The following RAD54B variants were observed in gnomAD, a reference collection of about 807,000 sequenced individuals.
RAD54B encodes RAD54 homolog B.
Under a neutral mutation model 95.8 loss-of-function variants are expected in RAD54B, and 78 were observed. That is an observed-to-expected ratio of 0.81 (90% CI 0.68 to 0.98). RAD54B has a LOEUF of 0.98. Among genes scored for constraint, RAD54B ranks in the 50% least tolerant of loss-of-function variants. The probability of loss-of-function intolerance (pLI) is 0.00; values close to 1 mark genes in which losing one functional copy is unlikely to be tolerated. For missense variants in RAD54B, 957 were observed against 1,056.6 expected (o/e 0.91, Z 1.31); for synonymous variants, 328 against 354.9 (o/e 0.92, Z 0.85).
At chr8:94,451,542 G>A (rs960354138) in intron 3 of RAD54B, among the ~76,000 whole-genome samples, 2 of 152,072 alleles carry the variant, frequency 1.3e-5, no homozygotes, top group African/African-American at 4.8e-5. Flanking sequence ...ATAATTTTAT[G>A]GTGAAGAAAC....
chr8:94,398,482 C>T (rs923279163), intron 8 of RAD54B, among the ~76,000 whole-genome samples: 18 of 152,168 alleles, frequency 1.2e-4, no homozygotes, highest in East Asian at 3.9e-4. Flanking sequence ...TTTGGTCATA[C>T]TCCTTCTCTC....
intron 3 of RAD54B, among the ~76,000 whole-genome samples, chr8:94,421,721 A>C (rs1322684104): frequency 6.6e-6 from 1 of 152,178 alleles, no homozygotes; most frequent in African/African-American, 2.4e-5. Flanking sequence ...CACAAAATCC[A>C]GACAATTCTG....
At chr8:94,426,607 C>T (rs573752626) in intron 3 of RAD54B, among the ~76,000 whole-genome samples, 78 of 152,190 alleles carry the variant, frequency 5.1e-4, no homozygotes, top group African/African-American at 1.8e-3. Context: ...ACAAAGTATG[C>T]ATATTGTATG....
At chr8:94,474,035 T>C (rs1813232939) in intron 1 of RAD54B, among the ~76,000 whole-genome samples, 1 of 152,190 alleles carries the variant, frequency 6.6e-6, no homozygotes, top group Admixed American at 6.5e-5. Context: ...AGCGCAGCCA[T>C]AAAAAGGAAT....
In RAD54B at chr8:94,456,974, C is replaced by T. The variant is rs577994816; in HGVS notation, c.304+1294G>A. Among the ~76,000 whole-genome samples the T allele has an allele frequency of 8.9e-4, 135 of 152,234 alleles. 1 individual carries two copies. Among genetic ancestry groups the T allele is most frequent in the African/African-American group, 2.8e-3 (116 of 41,550 alleles). ...GATTAGGAGTTGAGTAAGTTAACTC[C>T]CTCTTTATTTTATCTTAACTCTTAA... On this transcript the variant is annotated intron_variant, in intron 3 of 14. Coordinates refer to ENST00000336148, the MANE Select transcript of RAD54B (RefSeq NM_012415.3).
Position 94,470,544 on chromosome 8 carries a change from G to A in RAD54B, c.-16-2989C>T, listed in dbSNP as rs572553965. Among the ~76,000 whole-genome samples the A allele has an allele frequency of 5.9e-3, 901 of 151,770 alleles. 6 individuals are homozygous for A. The highest frequency in any genetic ancestry group is 0.02 in the African/African-American group (841 of 41,370). ...CGGGAGGCAGAGGTTGTGGTGAGCC[G>A]AGATAGCGCCACTGCACTCCAGCCT... is the stretch of plus-strand genomic sequence containing the variant. On this transcript the variant is annotated intron_variant, in intron 1 of 14. Transcript: ENST00000336148.
At chr8:94,372,500 A>G (rs573320654) in intron 14 of RAD54B, 113 bp from the exon 15 acceptor site, 1 of 1,480,646 alleles carries the variant, frequency 6.8e-7, no homozygotes, top group African/African-American at 1.4e-5. Flanking sequence ...TTTGATCACC[A>G]TGGTTCAAGT....
chr8:94,463,893 C>CAAAAAAAA (rs553168595), intron 2 of RAD54B, among the ~76,000 whole-genome samples: 23 of 90,774 alleles, frequency 2.5e-4, no homozygotes, highest in African/African-American at 2.9e-4. Context: ...GACCCTATCT[C>CAAAAAAAA]AAAAAAAAAA....
At chr8:94,421,326 G>A (rs1811802716) in intron 3 of RAD54B, among the ~76,000 whole-genome samples, 1 of 151,950 alleles carries the variant, frequency 6.6e-6, no homozygotes, top group African/African-American at 2.4e-5. Context: ...TTACCTCTTT[G>A]CTTGCTTCTT....
intron 6 of RAD54B, among the ~76,000 whole-genome samples, chr8:94,402,265 T>C (rs1305702048): frequency 2.0e-5 from 3 of 151,756 alleles, no homozygotes; most frequent in African/African-American, 4.8e-5. Context: ...TTTTTTTTTT[T>C]CCTCTCCAGA....
intron 3 of RAD54B, chr8:94,432,654 G>A: frequency 6.6e-7 from 1 of 1,504,256 alleles, no homozygotes; most frequent in Non-Finnish European, 8.9e-7. Flanking sequence ...ATCCAAGTTT[G>A]CACTATAGCA....
At chr8:94,387,968 A>G (rs1189914200) in intron 10 of RAD54B, among the ~76,000 whole-genome samples, 2 of 152,188 alleles carry the variant, frequency 1.3e-5, no homozygotes, top group African/African-American at 4.8e-5. Context: ...TGTCTGGAAT[A>G]CTTTTTTATT....
intron 8 of RAD54B, among the ~76,000 whole-genome samples, chr8:94,398,227 A>C (rs1165416541): frequency 2.0e-5 from 3 of 152,148 alleles, no homozygotes; most frequent in Non-Finnish European, 4.4e-5. Context: ...AATTCAAAAA[A>C]TAAAAAGGTC....
intron 3 of RAD54B, among the ~76,000 whole-genome samples, chr8:94,426,611 T>A (rs1811947663): frequency 6.6e-6 from 1 of 152,196 alleles, no homozygotes; most frequent in Admixed American, 6.5e-5. Flanking sequence ...AGTATGCATA[T>A]TGTATGATTC....
intron 5 of RAD54B, among the ~76,000 whole-genome samples, chr8:94,404,967 C>T (rs1486070484): frequency 6.6e-6 from 1 of 152,018 alleles, no homozygotes; most frequent in African/African-American, 2.4e-5. Flanking sequence ...GTTCGCGCCA[C>T]CACACCCGGC....
intron 14 of RAD54B, among the ~76,000 whole-genome samples, chr8:94,376,131 A>G (rs913658573): frequency 6.6e-6 from 1 of 152,180 alleles, no homozygotes; most frequent in Non-Finnish European, 1.5e-5. Flanking sequence ...CACGATTTCC[A>G]TGCACAAAAC....
chr8:94,404,021 T>C, intron 6 of RAD54B, 56 bp downstream of exon 6: 1 of 1,339,406 alleles, frequency 7.5e-7, no homozygotes. Context: ...ACCATTATTG[T>C]GTTACAGGTT....
intron 14 of RAD54B, among the ~76,000 whole-genome samples, 200 bp from the exon 15 acceptor site, chr8:94,372,587 A>T (rs975743515): frequency 3.9e-5 from 6 of 152,250 alleles, no homozygotes; most frequent in African/African-American, 1.4e-4. Flanking sequence ...AGGTAAAATG[A>T]TGAAGAAACA....
chr8:94,434,883 A>G (rs1046407693), intron 3 of RAD54B, among the ~76,000 whole-genome samples: 1 of 151,508 alleles, frequency 6.6e-6, no homozygotes, highest in African/African-American at 2.4e-5. Context: ...TCATATCCCA[A>G]AAGATTTTTT....
Sources: gnomAD v4.1 joint callset for allele counts (sites outside exome capture counted in the v4.1 genomes callset) on GRCh38, gnomAD v4.1.1 for gene constraint, MANE v1.5 for transcripts, NCBI Gene and HGNC (gene_info 2026-07-23, HGNC 2026-07-21) for gene names.